Variants in NDST4 observed in about 807,000 individuals in gnomAD.
The protein encoded by NDST4 is N-deacetylase and N-sulfotransferase 4, also known as N-heparan sulfate sulfotransferase 4.
In NDST4, 63 loss-of-function variants were observed where a neutral mutation model predicts 100.8. The observed-to-expected ratio is 0.62, with a 90% CI of 0.51 to 0.77. The LOEUF (loss-of-function observed/expected upper bound fraction) is 0.77. Among genes scored for constraint, NDST4 ranks in the 30% least tolerant of loss-of-function variants. The probability of loss-of-function intolerance (pLI) is 0.00; values close to 1 mark genes in which losing one functional copy is unlikely to be tolerated. For synonymous variants in NDST4, 377 were observed against 361.8 expected, an observed-to-expected ratio of 1.04 and a Z score of -0.48; for missense variants, 943 against 1,018.4, an observed-to-expected ratio of 0.93 and a Z score of 1.01.
intron 2 of NDST4, among the ~76,000 whole-genome samples, chr4:115,034,310 G>C (rs996996935): frequency 6.6e-6 from 1 of 152,004 alleles, no homozygotes; most frequent in African/African-American, 2.4e-5. Flanking sequence ...AGCCGATGCC[G>C]TGTCCTCCTT....
intron 1 of NDST4, among the ~76,000 whole-genome samples, chr4:115,086,404 AC>A (rs1320251967): frequency 2.6e-5 from 4 of 152,040 alleles, no homozygotes; most frequent in African/African-American, 9.7e-5. Flanking sequence ...TCTTTTCTAT[AC>A]CCATAAATAA....
intron 1 of NDST4, among the ~76,000 whole-genome samples, chr4:115,110,576 C>T (rs1290771945): frequency 1.3e-5 from 2 of 151,866 alleles, no homozygotes; most frequent in African/African-American, 4.8e-5. Flanking sequence ...AAAACTTTCA[C>T]ATTTCTTTGT....
chr4:114,919,255 T>C (rs1167678043), intron 6 of NDST4, among the ~76,000 whole-genome samples: 1 of 152,030 alleles, frequency 6.6e-6, no homozygotes, highest in African/African-American at 2.4e-5. Flanking sequence ...GTGGAGTTGA[T>C]TGTTGGTGAT....
At chr4:115,050,540 C>CT (rs1728561741) in intron 2 of NDST4, among the ~76,000 whole-genome samples, 1 of 152,068 alleles carries the variant, frequency 6.6e-6, no homozygotes, top group Non-Finnish European at 1.5e-5. Flanking sequence ...ATTAAAACTT[C>CT]TAGCTATGCT....
chr4:115,020,262 T>C (rs1560862675), intron 2 of NDST4, among the ~76,000 whole-genome samples: 1 of 152,080 alleles, frequency 6.6e-6, no homozygotes, highest in African/African-American at 2.4e-5. Context: ...AATCAAAGTC[T>C]AAGATGGAAC....
chr4:114,968,143 G>T (rs1344499012), intron 4 of NDST4, among the ~76,000 whole-genome samples: 2 of 152,136 alleles, frequency 1.3e-5, no homozygotes, highest in Non-Finnish European at 2.9e-5. Context: ...ACATTGGTCT[G>T]GGGATTTAGA....
intron 2 of NDST4, among the ~76,000 whole-genome samples, chr4:114,986,648 G>A (rs939516716): frequency 1.3e-5 from 2 of 151,338 alleles, no homozygotes; most frequent in Non-Finnish European, 2.9e-5. Context: ...TGTTTCCCAT[G>A]CTCTACTGAA....
At chr4:115,112,692 A>C (rs1729979557) in intron 1 of NDST4, among the ~76,000 whole-genome samples, 1 of 151,956 alleles carries the variant, frequency 6.6e-6, no homozygotes, top group Non-Finnish European at 1.5e-5. Flanking sequence ...TCTCAAAAAG[A>C]ATATTGAAAA....
intron 12 of NDST4, 145 bp downstream of exon 12, chr4:114,833,461 T>G (rs1578332395): frequency 4.9e-6 from 3 of 606,962 alleles, no homozygotes; most frequent in Non-Finnish European, 8.8e-6. Flanking sequence ...ACTACATGAT[T>G]GATGAGGATA....
chr4:114,913,371 T>C (rs1019587745), intron 6 of NDST4, among the ~76,000 whole-genome samples: 19 of 152,182 alleles, frequency 1.2e-4, no homozygotes, highest in African/African-American at 4.6e-4. Context: ...ATAGTTATTT[T>C]TGCCTATAGT....
At chr4:114,856,327 G>A (rs1262036760) in intron 7 of NDST4, among the ~76,000 whole-genome samples, 1 of 152,056 alleles carries the variant, frequency 6.6e-6, no homozygotes, top group East Asian at 1.9e-4. Flanking sequence ...GGCTCCCAAG[G>A]TGCTGGGATT....
At chr4:114,916,629 C>T (rs1383133392) in intron 6 of NDST4, among the ~76,000 whole-genome samples, 4 of 141,584 alleles carry the variant, frequency 2.8e-5, no homozygotes, top group African/African-American at 8.0e-5. Flanking sequence ...CACTCACTTT[C>T]TGTGTTTTTA....
At chr4:115,104,697 G>T (rs946100685) in intron 1 of NDST4, among the ~76,000 whole-genome samples, 1 of 151,996 alleles carries the variant, frequency 6.6e-6, no homozygotes, top group African/African-American at 2.4e-5. Context: ...AATGAAATTT[G>T]ATCCTTTAAG....
intron 6 of NDST4, among the ~76,000 whole-genome samples, chr4:114,891,792 T>C (rs1427495976): frequency 6.6e-6 from 1 of 152,108 alleles, no homozygotes; most frequent in East Asian, 1.9e-4. Flanking sequence ...GCTTCAAAAC[T>C]ATTTGAGGCC....
Position 114,921,440 on chromosome 4 carries a change from A to C in NDST4, c.1536+13766T>G, listed in dbSNP as rs180922304. Among the ~76,000 whole-genome samples the C allele has an allele frequency of 5.1e-3, 777 of 152,316 alleles. 11 individuals are homozygous for C. The highest frequency in any genetic ancestry group is 0.027 in the Middle Eastern group (8 of 294). On this transcript the variant is annotated intron_variant, in intron 6 of 13. Transcript: ENST00000264363. ...TTATGTGTTCAAGCAGCAAGAAACA[A>C]CCAAGCAAAATTCAAGCTGTAAATA...
intron 4 of NDST4, among the ~76,000 whole-genome samples, chr4:114,961,286 G>A (rs535381310): frequency 1.9e-4 from 29 of 151,498 alleles, no homozygotes; most frequent in Middle Eastern, 6.8e-3. Flanking sequence ...TTATTTCTCC[G>A]TAAAACATTG....
chr4:114,860,850 T>G (rs1467730262), intron 7 of NDST4, among the ~76,000 whole-genome samples: 1 of 152,186 alleles, frequency 6.6e-6, no homozygotes, highest in East Asian at 1.9e-4. Context: ...GCATTGCTTG[T>G]TTCAAAAAGA....
intron 10 of NDST4, among the ~76,000 whole-genome samples, chr4:114,841,221 T>A (rs11936530): frequency 1.4e-3 from 219 of 152,190 alleles, no homozygotes; most frequent in Non-Finnish European, 2.5e-3. Context: ...CAAAAGGACA[T>A]ATTTTATGGA....
At chr4:114,884,803 T>C (rs779464597) in intron 6 of NDST4, among the ~76,000 whole-genome samples, 1 of 152,148 alleles carries the variant, frequency 6.6e-6, no homozygotes, top group Admixed American at 6.6e-5. Context: ...AAATCATTTT[T>C]TGAAATATCG....
Sources: gnomAD v4.1 joint callset for allele counts (sites outside exome capture counted in the v4.1 genomes callset) on GRCh38, gnomAD v4.1.1 for gene constraint, MANE v1.5 for transcripts, NCBI Gene and HGNC (gene_info 2026-07-23, HGNC 2026-07-21) for gene names.